Variants in MACROD2 observed in about 807,000 individuals in gnomAD.
The protein encoded by MACROD2 is ADP-ribose glycohydrolase MACROD2.
Under a neutral mutation model 70.4 loss-of-function variants are expected in MACROD2, and 36 were observed. The observed-to-expected ratio is 0.51, with a 90% CI of 0.39 to 0.68. The LOEUF (loss-of-function observed/expected upper bound fraction) is 0.68. MACROD2 is among the 30% of genes least tolerant of loss of function. The pLI is 0.00. For synonymous variants in MACROD2, 172 were observed against 178.8 expected (o/e 0.96, Z 0.30); for missense variants, 496 against 538.4 (o/e 0.92, Z 0.78).
At chr20:14,725,118 G>A (rs1484198544) in intron 5 of MACROD2, among the ~76,000 whole-genome samples, 1 of 152,054 alleles carries the variant, frequency 6.6e-6, no homozygotes, top group Non-Finnish European at 1.5e-5. Context: ...CAAATCCTAG[G>A]TTTTTGGCTT....
chr20:14,451,788 G>A (rs541289653), intron 3 of MACROD2, among the ~76,000 whole-genome samples: 27 of 152,284 alleles, frequency 1.8e-4, no homozygotes, highest in South Asian at 4.1e-4. Flanking sequence ...TGGGAGGAGC[G>A]TCCAGTGTCT....
chr20:15,649,766 T>C (rs1360175947), intron 8 of MACROD2, among the ~76,000 whole-genome samples: 1 of 152,162 alleles, frequency 6.6e-6, no homozygotes, highest in East Asian at 1.9e-4. Flanking sequence ...ATGTCCTTTA[T>C]AGGCTTGGAA....
intron 5 of MACROD2, among the ~76,000 whole-genome samples, chr20:15,059,951 A>G (rs2075518603): frequency 6.6e-6 from 1 of 152,220 alleles, no homozygotes; most frequent in African/African-American, 2.4e-5. Flanking sequence ...TAGAAATAGT[A>G]AAGTATCTTC....
At chr20:15,689,018 A>G (rs1163201051) in intron 8 of MACROD2, among the ~76,000 whole-genome samples, 1 of 152,240 alleles carries the variant, frequency 6.6e-6, no homozygotes, top group East Asian at 1.9e-4. Flanking sequence ...AAAAAGGTAG[A>G]TTGGGCCGGG....
rs117136969 is a variant in MACROD2, at chr20:15,039,472, G to A, written c.419-190468G>A. Among the ~76,000 whole-genome samples, 850 of 152,300 alleles carry A rather than the reference G, an allele frequency of 5.6e-3. 10 individuals carry two copies. The highest frequency in any genetic ancestry group is 0.01 in the Middle Eastern group (3 of 294). On this transcript the variant is annotated intron_variant, in intron 5 of 17. Coordinates refer to ENST00000684519, the MANE Select transcript of MACROD2 (RefSeq NM_001351661.2). ...AGGGAATGGGAGAAAGGAGGGCAAA[G>A]GAAGGTTGGAGAGACCTTGCTTTTG...
chr20:14,429,533 A>T (rs190829619), intron 3 of MACROD2, among the ~76,000 whole-genome samples: 1 of 152,284 alleles, frequency 6.6e-6, no homozygotes, highest in Non-Finnish European at 1.5e-5. Context: ...TGCCTTAAAC[A>T]TGTGTTGGAA....
At chr20:15,121,388 C>T (rs1036614578) in intron 5 of MACROD2, among the ~76,000 whole-genome samples, 9 of 151,816 alleles carry the variant, frequency 5.9e-5, no homozygotes, top group Admixed American at 3.3e-4. Context: ...TGATGGATAC[C>T]TGTAATCCCA....
chr20:15,685,145 A>G (rs1316541452), intron 8 of MACROD2, among the ~76,000 whole-genome samples: 1 of 152,176 alleles, frequency 6.6e-6, no homozygotes, highest in Non-Finnish European at 1.5e-5. Flanking sequence ...ATATATTATA[A>G]ATGTTCTGCA....
chr20:14,527,951 A>G (rs2123196322), intron 4 of MACROD2, among the ~76,000 whole-genome samples: 1 of 152,326 alleles, frequency 6.6e-6, no homozygotes, highest in Middle Eastern at 3.4e-3. Flanking sequence ...AGCCCAGCTC[A>G]CCAAGAAAGG....
At chr20:15,848,734 G>T (rs1410929182) in intron 8 of MACROD2, among the ~76,000 whole-genome samples, 1 of 152,066 alleles carries the variant, frequency 6.6e-6, no homozygotes, top group South Asian at 2.1e-4. Context: ...AAAGCCAGGG[G>T]GCCCATGTTT....
chr20:15,349,633 G>A (rs2078205224), intron 6 of MACROD2, among the ~76,000 whole-genome samples: 1 of 151,792 alleles, frequency 6.6e-6, no homozygotes, highest in African/African-American at 2.4e-5. Flanking sequence ...GCACACTCCT[G>A]TAATCCCAGC....
At position 15,092,329 on chromosome 20, in the gene MACROD2, TATA is replaced by T. The variant is rs1328091153; in HGVS notation, c.419-137608_419-137606del. Among the ~76,000 whole-genome samples, 4 of 150,710 alleles carry T rather than the reference TATA, an allele frequency of 2.7e-5. No homozygotes were observed. The South Asian group carries it at 6.2e-4, about 23-fold the overall frequency. On this transcript the variant is annotated intron_variant, in intron 5 of 17. Transcript: ENST00000684519. ...GATTACAGGTACACACATTTTCAAA[TATA>T]ATTAATAATATGTTTAAGTATAATA...
intron 6 of MACROD2, among the ~76,000 whole-genome samples, chr20:15,281,373 G>T (rs146580181): frequency 5.8e-4 from 89 of 152,290 alleles, no homozygotes; most frequent in African/African-American, 2.0e-3. Flanking sequence ...AGTCTCATCT[G>T]AGACAAGGCA....
chr20:16,020,260 C>G (rs1463270773), intron 15 of MACROD2, among the ~76,000 whole-genome samples: 1 of 152,104 alleles, frequency 6.6e-6, no homozygotes, highest in African/African-American at 2.4e-5. Flanking sequence ...CTGATCTTTA[C>G]CCAGCCCTGT....
At chr20:15,398,473 T>C (rs1004197923) in intron 6 of MACROD2, among the ~76,000 whole-genome samples, 12 of 152,088 alleles carry the variant, frequency 7.9e-5, no homozygotes, top group African/African-American at 2.9e-4. Flanking sequence ...AAGAGTACAG[T>C]TGTAGTGGTG....
chr20:15,409,619 A>G (rs976240181), intron 6 of MACROD2, among the ~76,000 whole-genome samples: 11 of 152,182 alleles, frequency 7.2e-5, no homozygotes, highest in African/African-American at 2.7e-4. Context: ...AGGTGATGCT[A>G]GGATGCACTG....
intron 4 of MACROD2, among the ~76,000 whole-genome samples, chr20:14,643,577 A>G (rs1218774375): frequency 6.6e-6 from 1 of 152,224 alleles, no homozygotes; most frequent in African/African-American, 2.4e-5. Flanking sequence ...GAGATGTTAA[A>G]GTATTTTATA....
chr20:15,728,936 TG>T (rs1226847476), intron 8 of MACROD2, among the ~76,000 whole-genome samples: 2 of 152,178 alleles, frequency 1.3e-5, no homozygotes, highest in Non-Finnish European at 2.9e-5. Flanking sequence ...CTTTGGAGTT[TG>T]TTTGTTCTTT....
intron 8 of MACROD2, among the ~76,000 whole-genome samples, chr20:15,593,732 T>G (rs1192176228): frequency 6.6e-6 from 1 of 152,252 alleles, no homozygotes; most frequent in Non-Finnish European, 1.5e-5. Flanking sequence ...TAGCTGTTTC[T>G]CTGCTCCTTT....
Sources: allele counts gnomAD v4.1 joint callset (sites outside exome capture counted in the v4.1 genomes callset), GRCh38; gene constraint gnomAD v4.1.1; transcripts MANE v1.5; gene names NCBI Gene and HGNC (gene_info 2026-07-23, HGNC 2026-07-21).